LAPTM5: variants seen among roughly 807,000 people sequenced by gnomAD.
The protein encoded by LAPTM5 is lysosomal-associated transmembrane protein 5.
Under a neutral mutation model 30.1 loss-of-function variants are expected in LAPTM5, and 11 were observed. The observed-to-expected ratio is 0.37, with a 90% CI of 0.23 to 0.60. The LOEUF (loss-of-function observed/expected upper bound fraction) is 0.60, where lower values mean the gene tolerates loss of function less well. Among genes scored for constraint, LAPTM5 ranks in the 20% least tolerant of loss-of-function variants. The pLI, the probability that LAPTM5 is intolerant of heterozygous loss-of-function variation, is 0.71. For missense variants in LAPTM5, 324 were observed against 332.5 expected (o/e 0.97, Z 0.20); for synonymous variants, 151 against 137.9 (o/e 1.10, Z -0.67).
chr1:30,751,133 C>T (rs1159836493), intron 1 of LAPTM5, among the ~76,000 whole-genome samples: 1 of 152,260 alleles, frequency 6.6e-6, no homozygotes, highest in Non-Finnish European at 1.5e-5. Flanking sequence ...CCAGGCTAGG[C>T]CCTTCAGCCA....
chr1:30,739,763 G>A lies in LAPTM5; in HGVS notation c.387+46C>T. The stretch of plus-strand genomic sequence containing the variant: ...TGGTCCCCTCCCATCTCCCATGCCA[G>A]ACCTGGGCTCTGCTGTCCGGTGAGA... On this transcript the variant is annotated intron_variant, in intron 4 of 7. Coordinates refer to ENST00000294507, the MANE Select transcript of LAPTM5 (RefSeq NM_006762.3). The surrounding 1 kb of genome is among the most constrained non-coding windows in gnomAD (Gnocchi z 4.2). 1 of 1,544,130 alleles carries A rather than the reference G, an allele frequency of 6.5e-7. No homozygotes were observed.
intron 6 of LAPTM5, 40 bp from the exon 7 acceptor site, chr1:30,735,305 T>A (rs1404803142): frequency 6.5e-7 from 1 of 1,545,872 alleles, no homozygotes; most frequent in Non-Finnish European, 8.9e-7. Flanking sequence ...TTGCTGAGCG[T>A]CCTTCTCACG....
chr1:30,741,148 C>T (rs1406003032), intron 3 of LAPTM5, among the ~76,000 whole-genome samples: 1 of 152,190 alleles, frequency 6.6e-6, no homozygotes, highest in Admixed American at 6.5e-5. Flanking sequence ...AGATCATGAG[C>T]TCTCTGGGGG....
At chr1:30,757,207 C>T (rs992691419) in intron 1 of LAPTM5, among the ~76,000 whole-genome samples, 1 of 152,214 alleles carries the variant, frequency 6.6e-6, no homozygotes, top group African/African-American at 2.4e-5. Flanking sequence ...CCTCCAGGCC[C>T]CAGGGGAAGA....
chr1:30,752,431 A>T (rs1488958875), intron 1 of LAPTM5, among the ~76,000 whole-genome samples: 2 of 151,914 alleles, frequency 1.3e-5, no homozygotes. Context: ...CACCCCTCCT[A>T]ACCCAGCTTG....
Position 30,739,791 on chromosome 1 carries a change from T to G in LAPTM5, c.387+18A>C, listed in dbSNP as rs376231516. The G allele has an allele frequency of 6.3e-7, 1 of 1,579,618 alleles. No homozygotes were observed. The highest frequency in any genetic ancestry group is 8.6e-7 in the Non-Finnish European group (1 of 1,161,960). On this transcript the variant is annotated intron_variant, in intron 4 of 7. Coordinates refer to ENST00000294507, the MANE Select transcript of LAPTM5 (RefSeq NM_006762.3). The surrounding 1 kb of genome is among the most constrained non-coding windows in gnomAD (Gnocchi z 4.2). ...CTGGGCTCTGCTGTCCGGTGAGAGGTGGGGGCTGGGTACTCACAGCACGGC... is the reference window on the plus strand; with the variant it reads ...CTGGGCTCTGCTGTCCGGTGAGAGGGGGGGGCTGGGTACTCACAGCACGGC...
chr1:30,743,857 A>G (rs1249951039), intron 1 of LAPTM5, among the ~76,000 whole-genome samples: 3 of 131,760 alleles, frequency 2.3e-5, no homozygotes, highest in South Asian at 2.3e-4. Flanking sequence ...CTGCCACATT[A>G]CATCCTGTTT....
rs757918780 is a variant in LAPTM5 at position 30,733,730 on chromosome 1, G to A, written c.*98C>T. The A allele has an allele frequency of 7.8e-5, 120 of 1,534,040 alleles. No individual in the cohort carries two copies. The highest frequency in any genetic ancestry group is 9.3e-5 in the Non-Finnish European group (107 of 1,144,622). ...GCAGATTGTCCTGCCAGGGAGGGGC[G>A]GGAGGGCCCACCCAGGCCACAGGGG... On this transcript the variant is annotated 3_prime_UTR_variant, in exon 8 of 8. Coordinates refer to ENST00000294507, the MANE Select transcript of LAPTM5 (RefSeq NM_006762.3).
intron 6 of LAPTM5, 49 bp downstream of exon 6, chr1:30,737,555 G>T: frequency 7.0e-7 from 1 of 1,423,712 alleles, no homozygotes; most frequent in Non-Finnish European, 9.9e-7. Context: ...CCTGGGCCCA[G>T]CACAGCCTCA....
At chr1:30,742,182 C>A (rs2124184512) in intron 2 of LAPTM5, 1 of 521,418 alleles carries the variant, frequency 1.9e-6, no homozygotes, top group Non-Finnish European at 3.5e-6. Context: ...CGGCTTTAAG[C>A]AGAAGAGTGA....
At chr1:30,735,517 A>G (rs1569852474) in intron 6 of LAPTM5, among the ~76,000 whole-genome samples, 1 of 152,132 alleles carries the variant, frequency 6.6e-6, no homozygotes, top group Non-Finnish European at 1.5e-5. Flanking sequence ...CCACCCTCCA[A>G]TTTCCCTGGC....
chr1:30,737,948 C>A lies in LAPTM5; in HGVS notation c.511-249G>T, dbSNP rs976582033. On this transcript the variant is annotated intron_variant, in intron 5 of 7. Coordinates refer to ENST00000294507, the MANE Select transcript of LAPTM5 (RefSeq NM_006762.3). ...AGATCTGCTTCCCAGGCTGGCGCACCGGCCCATCCCCAGCTGGCAGGTGTC... is the reference window on the plus strand; with the variant it reads ...AGATCTGCTTCCCAGGCTGGCGCACAGGCCCATCCCCAGCTGGCAGGTGTC... 5.3e-5 allele frequency among the ~76,000 whole-genome samples: 8 copies of A among 152,218 alleles called. No homozygotes were observed. In the East Asian group the frequency reaches 1.5e-3, roughly 29 times the overall value.
chr1:30,740,818 G>A (rs749337967), intron 3 of LAPTM5, among the ~76,000 whole-genome samples: 3 of 152,172 alleles, frequency 2.0e-5, no homozygotes, highest in Admixed American at 1.3e-4. Flanking sequence ...TGTTAGCAAG[G>A]GGAGTGGGTG....
chr1:30,755,548 A>G (rs1012015850), intron 1 of LAPTM5, among the ~76,000 whole-genome samples: 2 of 151,996 alleles, frequency 1.3e-5, no homozygotes, highest in Non-Finnish European at 2.9e-5. Flanking sequence ...TGCCAATGGC[A>G]CCACCTCCAA....
chr1:30,748,665 A>C lies in LAPTM5; in HGVS notation c.88-6116T>G, dbSNP rs147763685. ...CTCTCCAGCCAGCCCAGATACCACC[A>C]GACGCCCCCATTCCTGGGGCCACGC... On this transcript the variant is annotated intron_variant, in intron 1 of 7. Coordinates refer to ENST00000294507, the MANE Select transcript of LAPTM5 (RefSeq NM_006762.3). Among the ~76,000 whole-genome samples, 278 of 152,288 alleles carry C rather than the reference A, an allele frequency of 1.8e-3. 8 individuals are homozygous for C. The East Asian group carries it at 0.044, about 24-fold the overall frequency.
At chr1:30,752,938 C>G (rs1640159201) in intron 1 of LAPTM5, among the ~76,000 whole-genome samples, 1 of 152,202 alleles carries the variant, frequency 6.6e-6, no homozygotes, top group Non-Finnish European at 1.5e-5. Context: ...TCCCGCGTAG[C>G]TTGGACTACA....
At chr1:30,757,251 C>T (rs948771386) in intron 1 of LAPTM5, among the ~76,000 whole-genome samples, 18 of 152,212 alleles carry the variant, frequency 1.2e-4, no homozygotes, top group African/African-American at 4.1e-4. Context: ...CCTCACATCC[C>T]GGTCAAACAA....
In LAPTM5 at chr1:30,743,544, C is replaced by G. The variant is rs1238896223; in HGVS notation, c.88-995G>C. On this transcript the variant is annotated intron_variant, in intron 1 of 7. Transcript: ENST00000294507. The stretch of plus-strand genomic sequence containing the variant: ...GCTTCCAGCCATGGGGAACTCACAA[C>G]CTTATGTGTGTCCATGTCCTCACAG... 7.9e-5 allele frequency among the ~76,000 whole-genome samples: 12 copies of G among 152,320 alleles called. No homozygotes were observed. In the East Asian group the frequency reaches 1.9e-3, roughly 24 times the overall value.
chr1:30,743,946 G>C (rs1464374515), intron 1 of LAPTM5, among the ~76,000 whole-genome samples: 2 of 152,104 alleles, frequency 1.3e-5, no homozygotes, highest in African/African-American at 2.4e-5. Context: ...TTTGAATCCA[G>C]GTCACTGTGT....
Sources: allele counts gnomAD v4.1 joint callset (sites outside exome capture counted in the v4.1 genomes callset), GRCh38; gene constraint gnomAD v4.1.1; non-coding constraint Gnocchi (gnomAD v3.1); transcripts MANE v1.5; gene names NCBI Gene and HGNC (gene_info 2026-07-23, HGNC 2026-07-21).